Variants in PDE4D observed in about 807,000 individuals in gnomAD.
PDE4D encodes the protein phosphodiesterase 4D.
In PDE4D, 24 loss-of-function variants were observed where a neutral mutation model predicts 87.4. The observed-to-expected ratio is 0.27, with a 90% CI of 0.20 to 0.39. The LOEUF (loss-of-function observed/expected upper bound fraction) is 0.39. PDE4D is among the 10% of genes least tolerant of loss of function. The probability of loss-of-function intolerance (pLI) is 1.00; values close to 1 mark genes in which losing one functional copy is unlikely to be tolerated. For synonymous variants in PDE4D, 384 were observed against 383.2 expected (o/e 1.00, Z -0.02); for missense variants, 714 against 1,041.0 (o/e 0.69, Z 4.32).
At position 59,145,591 on chromosome 5, in the gene PDE4D, C is replaced by T. The variant is rs148908371; in HGVS notation, c.808+35004G>A. The stretch of plus-strand genomic sequence containing the variant: ...GATCTTTCCTAAAGATATAAGAAAT[C>T]GACTGAAGTAAGCAAGAAAAACACT... On this transcript the variant is annotated intron_variant, in intron 5 of 14. Coordinates refer to ENST00000340635, the MANE Select transcript of PDE4D (RefSeq NM_001104631.2). 1.6e-4 allele frequency among the ~76,000 whole-genome samples: 24 copies of T among 152,140 alleles called. No homozygotes were observed. In the East Asian group the frequency reaches 2.5e-3, roughly 16 times the overall value.
chr5:60,340,242 G>C (rs1437286629), intron 1 of PDE4D, among the ~76,000 whole-genome samples: 1 of 151,408 alleles, frequency 6.6e-6, no homozygotes, highest in Non-Finnish European at 1.5e-5. Flanking sequence ...TGAATTATCT[G>C]TCTTTTAACA....
chr5:59,933,793 A>AT (rs1343398649), intron 3 of PDE4D, among the ~76,000 whole-genome samples: 481 of 35,552 alleles, frequency 0.014, 1 homozygote, highest in Admixed American at 0.022. Flanking sequence ...TATATATATT[A>AT]ATAAGCATTC....
At position 60,442,239 on chromosome 5, in the gene PDE4D, AC is replaced by A. The variant is rs1254311676; in HGVS notation, c.-90+45702del. 1.3e-5 allele frequency among the ~76,000 whole-genome samples: 2 copies of A among 152,214 alleles called. 1 individual carries two copies. The highest frequency in any genetic ancestry group is 2.9e-5 in the Non-Finnish European group (2 of 68,032). On this transcript the variant is annotated intron_variant, in intron 1 of 16. Coordinates refer to the PDE4D transcript ENST00000502484. Reference sequence around the variant, plus strand: ...GATAAAGAAAATGTGGCACATATATACCATGGAATACTATGCGGTCATAAAA... The same window carrying A: ...GATAAAGAAAATGTGGCACATATATACATGGAATACTATGCGGTCATAAAA...
intron 1 of PDE4D, among the ~76,000 whole-genome samples, chr5:59,345,860 C>T (rs572376043): frequency 6.6e-6 from 1 of 152,288 alleles, no homozygotes; most frequent in East Asian, 1.9e-4. Context: ...ACCCAACCTA[C>T]GTGTATGCAC....
At chr5:59,835,082 T>C (rs1368073152) in intron 1 of PDE4D, among the ~76,000 whole-genome samples, 1 of 152,068 alleles carries the variant, frequency 6.6e-6, no homozygotes, top group African/African-American at 2.4e-5. Flanking sequence ...TTGAAAGACA[T>C]AGCAGTGATT....
At chr5:59,709,429 A>AT (rs1271935066) in intron 1 of PDE4D, among the ~76,000 whole-genome samples, 1 of 152,212 alleles carries the variant, frequency 6.6e-6, no homozygotes, top group Non-Finnish European at 1.5e-5. Context: ...CCAAGGAAGA[A>AT]TATGAATTTG....
intron 2 of PDE4D, among the ~76,000 whole-genome samples, chr5:60,122,295 C>G (rs1341371599): frequency 1.3e-5 from 2 of 152,242 alleles, no homozygotes; most frequent in Admixed American, 6.5e-5. Flanking sequence ...AGTAGGGACT[C>G]TGTGTGGAGG....
chr5:60,280,021 G>GA (rs1020494867), intron 1 of PDE4D, among the ~76,000 whole-genome samples: 1 of 151,160 alleles, frequency 6.6e-6, no homozygotes, highest in African/African-American at 2.4e-5. Context: ...GTATATATGA[G>GA]AAAAAAAGAA....
At chr5:59,768,544 C>T (rs1333525656) in intron 1 of PDE4D, 9 of 1,594,108 alleles carry the variant, frequency 5.6e-6, no homozygotes, top group Middle Eastern at 3.3e-4. Flanking sequence ...GGCAAGAATC[C>T]AGGGCAACGT....
chr5:59,456,621 A>G (rs1385499412), intron 1 of PDE4D, among the ~76,000 whole-genome samples: 4 of 152,220 alleles, frequency 2.6e-5, no homozygotes, highest in African/African-American at 9.6e-5. Flanking sequence ...TAAGAAATAC[A>G]TTTGGGAAGG....
In PDE4D at chr5:59,807,562, G is replaced by C. The variant is rs572120189; in HGVS notation, c.455+85606C>G. Among the ~76,000 whole-genome samples, 6 of 152,336 alleles carry C rather than the reference G, an allele frequency of 3.9e-5. 1 individual carries two copies. Among genetic ancestry groups the C allele is most frequent in the African/African-American group, 1.4e-4 (6 of 41,586 alleles). On this transcript the variant is annotated intron_variant, in intron 1 of 14. Coordinates refer to ENST00000340635, the MANE Select transcript of PDE4D (RefSeq NM_001104631.2). ...AGAGCCAGATGGGAAGAGAAGAGCA[G>C]AGCGGGTGGCCCTTTCCCTCAACAC... is the stretch of plus-strand genomic sequence containing the variant.
At chr5:60,056,988 T>C (rs1416610346) in intron 2 of PDE4D, among the ~76,000 whole-genome samples, 1 of 152,076 alleles carries the variant, frequency 6.6e-6, no homozygotes, top group African/African-American at 2.4e-5. Context: ...TTCCAACACC[T>C]ATCAACAGAA....
intron 1 of PDE4D, among the ~76,000 whole-genome samples, chr5:59,244,326 A>G (rs1466130730): frequency 1.3e-5 from 2 of 152,044 alleles, no homozygotes; most frequent in Admixed American, 1.3e-4. Flanking sequence ...TGAACCCAGG[A>G]GACGTAGGTT....
At chr5:59,084,931 G>A (rs1196558431) in intron 5 of PDE4D, among the ~76,000 whole-genome samples, 2 of 151,972 alleles carry the variant, frequency 1.3e-5, no homozygotes, top group South Asian at 2.1e-4. Context: ...ATATAGCAAC[G>A]GAAATAATGT....
intron 1 of PDE4D, among the ~76,000 whole-genome samples, chr5:59,507,110 T>A (rs993521074): frequency 6.6e-6 from 1 of 152,098 alleles, no homozygotes; most frequent in Non-Finnish European, 1.5e-5. Flanking sequence ...GGCAGGTGGA[T>A]CATTTGAGAT....
At chr5:60,086,305 A>G (rs1306752966) in intron 2 of PDE4D, among the ~76,000 whole-genome samples, 2 of 152,246 alleles carry the variant, frequency 1.3e-5, no homozygotes, top group African/African-American at 4.8e-5. Context: ...AAATCAAATA[A>G]CAAACTATTG....
intron 1 of PDE4D, among the ~76,000 whole-genome samples, chr5:60,497,416 T>G (rs183279914): frequency 6.6e-6 from 1 of 152,184 alleles, no homozygotes; most frequent in East Asian, 1.9e-4. Flanking sequence ...TTTGTTTTTG[T>G]TTTTGAGGCA....
At chr5:59,959,504 A>G (rs1759229378) in intron 3 of PDE4D, among the ~76,000 whole-genome samples, 1 of 152,220 alleles carries the variant, frequency 6.6e-6, no homozygotes, top group Admixed American at 6.6e-5. Flanking sequence ...TACTGGTACA[A>G]AAATAGACAC....
chr5:59,508,175 C>A (rs762204874), intron 1 of PDE4D, among the ~76,000 whole-genome samples: 1 of 151,926 alleles, frequency 6.6e-6, no homozygotes, highest in African/African-American at 2.4e-5. Context: ...AGAATCTAAA[C>A]AAGGGGCCTA....
Sources: allele counts gnomAD v4.1 joint callset (sites outside exome capture counted in the v4.1 genomes callset), GRCh38; gene constraint gnomAD v4.1.1; transcripts MANE v1.5; gene names NCBI Gene and HGNC (gene_info 2026-07-23, HGNC 2026-07-21).